COL4A1: variants seen among roughly 807,000 people sequenced by gnomAD.
The protein encoded by COL4A1 is collagen type IV alpha 1 chain.
Under a neutral mutation model 216.6 loss-of-function variants are expected in COL4A1, and 40 were observed. The observed-to-expected ratio is 0.18, with a 90% CI of 0.14 to 0.24. The LOEUF is 0.24. COL4A1 is among the 10% of genes least tolerant of loss of function. The pLI, the probability that COL4A1 is intolerant of heterozygous loss-of-function variation, is 1.00. For missense variants in COL4A1, 1,628 were observed against 2,196.8 expected (o/e 0.74, Z 5.18); for synonymous variants, 839 against 810.7 (o/e 1.03, Z -0.59).
At chr13:110,285,650 T>C (rs537302719) in intron 1 of COL4A1, among the ~76,000 whole-genome samples, 7 of 152,274 alleles carry the variant, frequency 4.6e-5, no homozygotes, top group African/African-American at 1.4e-4. Flanking sequence ...AGTAGGCTGG[T>C]CTCACTCAAG....
Position 110,213,710 on chromosome 13 carries a change from A to G in COL4A1, c.279+72T>C, listed in dbSNP as rs1594587678. The G allele has an allele frequency of 4.0e-6, 6 of 1,488,206 alleles. No individual in the cohort carries two copies. The East Asian group carries it at 1.1e-4, about 28-fold the overall frequency. The allele number at this position is 1,488,206 out of a possible 1,614,324, so 92.2% of individuals were successfully genotyped here. ...ACGAGGGCAAGGAGAAAGGAGGGAA[A>G]AGGTGCCCGGCTCTGGAAGCGGGCC... On this transcript the variant is annotated intron_variant, in intron 4 of 51. Transcript: ENST00000375820.
intron 2 of COL4A1, among the ~76,000 whole-genome samples, chr13:110,217,092 C>G (rs1880123631): frequency 6.6e-6 from 1 of 152,060 alleles, no homozygotes; most frequent in Admixed American, 6.6e-5. Context: ...AATCTTTTGT[C>G]CAGATAAAAG....
chr13:110,293,558 G>C (rs747497150), intron 1 of COL4A1, among the ~76,000 whole-genome samples: 8 of 152,190 alleles, frequency 5.3e-5, no homozygotes, highest in Non-Finnish European at 8.8e-5. Context: ...TCTGCTCAGA[G>C]ATGGCAGATA....
intron 1 of COL4A1, among the ~76,000 whole-genome samples, chr13:110,264,141 G>C (rs777274324): frequency 6.6e-6 from 1 of 152,088 alleles, no homozygotes; most frequent in Non-Finnish European, 1.5e-5. Context: ...AAGGCTGAAC[G>C]GGGAGGAGGC....
At chr13:110,168,821 G>A (rs1042641312) in intron 43 of COL4A1, among the ~76,000 whole-genome samples, 2 of 152,156 alleles carry the variant, frequency 1.3e-5, no homozygotes, top group African/African-American at 2.4e-5. Context: ...TTCTCCTAAC[G>A]TGTGTTAGAG....
rs773419047 is a variant in COL4A1 at position 110,200,866 on chromosome 13, G to A, written c.1108C>T (p.Pro370Ser). ...TAAGGAGTCTCACCTGGAGGTCCGG[G>A]TTGGCCTGGTAGTCCTGGGAAACCT... ...PKGFPGLPGQPGPPGLPVPGQ... is the reference protein window; with the variant it reads ...PKGFPGLPGQSGPPGLPVPGQ... Residue 370 changes from proline (P) to serine (S), a missense_variant, in exon 20 of 52, where the codon CCC becomes TCC. This residue lies in a region of COL4A1 where 701 missense variants were observed against 892.5 expected (regional missense o/e 0.79). Coordinates refer to ENST00000375820, the MANE Select transcript of COL4A1 (RefSeq NM_001845.6). The A allele has an allele frequency of 6.8e-6, 11 of 1,614,086 alleles. No individual in the cohort carries two copies. The African/African-American group carries it at 1.3e-4, about 20-fold the overall frequency.
intron 2 of COL4A1, among the ~76,000 whole-genome samples, chr13:110,219,721 T>C (rs1413952471): frequency 2.4e-4 from 33 of 138,242 alleles, no homozygotes; most frequent in African/African-American, 6.7e-4. Flanking sequence ...TGTGTATATA[T>C]ATGTGTGTAT....
At chr13:110,294,264 C>G (rs1050108323) in intron 1 of COL4A1, among the ~76,000 whole-genome samples, 3 of 152,214 alleles carry the variant, frequency 2.0e-5, no homozygotes, top group Non-Finnish European at 4.4e-5. Flanking sequence ...CTGCCTCCAG[C>G]CCCTTCACAC....
chr13:110,190,620 T>G (rs544441352), intron 24 of COL4A1: 1 of 152,388 alleles, frequency 6.6e-6, no homozygotes, highest in South Asian at 2.1e-4. Flanking sequence ...GTGTGCTCGT[T>G]TATGGATATC....
chr13:110,158,276 T>C (rs1876886453), intron 49 of COL4A1, among the ~76,000 whole-genome samples: 1 of 152,206 alleles, frequency 6.6e-6, no homozygotes, highest in South Asian at 2.1e-4. Context: ...TATTTTAATG[T>C]AAGGGGATCA....
At chr13:110,161,428 T>G in intron 48 of COL4A1, 59 bp from the exon 49 acceptor site, 1 of 1,542,380 alleles carries the variant, frequency 6.5e-7, no homozygotes, top group East Asian at 2.4e-5. Context: ...TCTATCTCTA[T>G]GTAAAGTGGA....
intron 2 of COL4A1, among the ~76,000 whole-genome samples, chr13:110,239,733 T>C (rs1350179006): frequency 6.6e-6 from 1 of 152,120 alleles, no homozygotes; most frequent in Non-Finnish European, 1.5e-5. Context: ...GTGCAGAAGG[T>C]AGAAGGTGGC....
At position 110,174,451 on chromosome 13, in the gene COL4A1, T is replaced by C. The variant is rs751702469; in HGVS notation, c.3401A>G (p.Glu1134Gly). 1.2e-6 allele frequency: 2 copies of C among 1,613,808 alleles called. No homozygotes were observed. The highest frequency in any genetic ancestry group is 4.5e-5 in the East Asian group (2 of 44,862). ...TCCCAAAGAGGGCCCTCTACCTGCT[T>C]CTCCTTTGACACCAGGGATGCCATC... The part of the protein sequence containing the change: ...GLDGIPGVKG[E>G]AGLPGTPGPT... The change falls in exon 39 of 52, where the codon GAA becomes GGA. Residue 1134 changes from glutamate to glycine, a missense_variant. By Grantham distance (98) the Glu-to-Gly change is moderately conservative. Around this residue, in one of 8 missense-constraint regions of COL4A1, gnomAD observed 345 missense variants for 476.9 expected, o/e 0.72. Transcript: ENST00000375820.
chr13:110,153,624 C>T (rs920573776), intron 50 of COL4A1, among the ~76,000 whole-genome samples: 1 of 152,164 alleles, frequency 6.6e-6, no homozygotes, highest in Non-Finnish European at 1.5e-5. Context: ...TTTCTCTATA[C>T]AGCATTTTCA....
chr13:110,192,345 C>G, intron 23 of COL4A1, 61 bp from the exon 24 acceptor site: 1 of 1,507,442 alleles, frequency 6.6e-7, no homozygotes, highest in Non-Finnish European at 9.2e-7. Context: ...TTCTCAAAAC[C>G]TTTTCTTAAG....
At chr13:110,219,824 ATATGTATG>A (rs1406078213) in intron 2 of COL4A1, among the ~76,000 whole-genome samples, 10,032 of 130,538 alleles carry the variant, frequency 0.077, 614 homozygotes, top group East Asian at 0.17. Context: ...ATATGTATAT[ATATGTATG>A]TATGTATATA....
At chr13:110,265,154 A>T (rs1882978656) in intron 1 of COL4A1, 1 of 152,228 alleles carries the variant, frequency 6.6e-6, no homozygotes, top group Non-Finnish European at 1.5e-5. Flanking sequence ...GAATGAGTGG[A>T]GTGTGACCTC....
chr13:110,180,417 C>T (rs1481537791), intron 29 of COL4A1, among the ~76,000 whole-genome samples: 2 of 152,218 alleles, frequency 1.3e-5, no homozygotes, highest in South Asian at 2.1e-4. Context: ...GGTATTTCTC[C>T]GGAAGAAACC....
At chr13:110,256,337 G>A (rs1882569137) in intron 1 of COL4A1, among the ~76,000 whole-genome samples, 1 of 152,192 alleles carries the variant, frequency 6.6e-6, no homozygotes, top group African/African-American at 2.4e-5. Flanking sequence ...CAAGATGCTG[G>A]AGAAGGAAAA....
Sources: gnomAD v4.1 joint callset for allele counts (sites outside exome capture counted in the v4.1 genomes callset) on GRCh38, gnomAD v4.1.1 for gene constraint, gnomAD v4.1.1 regional missense constraint, MANE v1.5 for transcripts, NCBI Gene and HGNC (gene_info 2026-07-23, HGNC 2026-07-21) for gene names.